Variants in DOCK7 observed in about 807,000 individuals in gnomAD.
DOCK7 encodes dedicator of cytokinesis protein 7.
A neutral mutation model predicts 271.0 loss-of-function variants in DOCK7; 138 were observed. The ratio of observed to expected loss-of-function variants is 0.51; its 90% CI spans 0.44 to 0.59. The LOEUF is 0.59. DOCK7 is among the 20% of genes least tolerant of loss of function. DOCK7 has a pLI of 0.00. For synonymous variants in DOCK7, 823 were observed against 876.1 expected, an observed-to-expected ratio of 0.94 and a Z score of 1.07; for missense variants, 2,066 against 2,592.4, an observed-to-expected ratio of 0.80 and a Z score of 4.41.
At chr1:62,585,176 A>C (rs747834283) in intron 15 of DOCK7, among the ~76,000 whole-genome samples, 2 of 152,164 alleles carry the variant, frequency 1.3e-5, no homozygotes, top group Non-Finnish European at 2.9e-5. Context: ...TATATGCAAT[A>C]ATCTGAAAAA....
Position 62,555,967 on chromosome 1 carries a change from A to C in DOCK7, c.2454T>G (p.Phe818Leu), listed in dbSNP as rs111684839. The stretch of plus-strand genomic sequence containing the variant: ...GATTTATAATTGATGCCATGGCTTC[A>C]AAAGATGCTTGACCTAGGTTAACTT... ...GQIVNLGQAS[F>L]EAMASIINRL... Residue 818 changes from phenylalanine to leucine, a missense_variant, in exon 21 of 50, where the codon TTT (phenylalanine) becomes TTG (leucine). Around this residue, in one of 2 missense-constraint regions of DOCK7, gnomAD observed 1,414 missense variants for 1,670.4 expected, o/e 0.85. Transcript: ENST00000635253. The C allele has an allele frequency of 6.2e-7, 1 of 1,613,788 alleles. No individual in the cohort carries two copies. The highest frequency in any genetic ancestry group is 8.5e-7 in the Non-Finnish European group (1 of 1,179,926).
At chr1:62,597,958 A>C in intron 14 of DOCK7, 2 of 1,555,856 alleles carry the variant, frequency 1.3e-6, no homozygotes, top group Non-Finnish European at 1.7e-6. Flanking sequence ...CTAGAAGAAA[A>C]AATTCTACTT....
At chr1:62,546,314 C>A (rs936743130) in intron 22 of DOCK7, among the ~76,000 whole-genome samples, 2 of 152,050 alleles carry the variant, frequency 1.3e-5, no homozygotes, top group African/African-American at 4.8e-5. Context: ...AAAACCGCAA[C>A]CCTCAAGGGC....
rs1454805523 is a variant in DOCK7, at chr1:62,688,211, C to A, written c.38+16G>T. ...CTCGGGCGGCGGCGGCGGCGCGCCC[C>A]ACGCCGGATATTTACCTGCTGATCT... On this transcript the variant is annotated intron_variant, in intron 1 of 49. Transcript: ENST00000635253. 4 of 1,378,344 alleles carry A rather than the reference C, an allele frequency of 2.9e-6. No individual in the cohort carries two copies. The African/African-American group carries it at 6.0e-5, about 21-fold the overall frequency. 85.4% of individuals were successfully genotyped at this position (1,378,344 alleles called of 1,614,324 possible).
intron 49 of DOCK7, among the ~76,000 whole-genome samples, chr1:62,456,481 G>A (rs1164193303): frequency 6.6e-6 from 1 of 152,150 alleles, no homozygotes; most frequent in African/African-American, 2.4e-5. Context: ...GATCACATTG[G>A]CTTCAAATCT....
At chr1:62,543,853 T>G in intron 23 of DOCK7, 108 bp from the exon 24 acceptor site, 1 of 687,332 alleles carries the variant, frequency 1.5e-6, no homozygotes, top group Non-Finnish European at 2.4e-6. Flanking sequence ...TATTATGGTT[T>G]CAAAAACCAT....
intron 31 of DOCK7, among the ~76,000 whole-genome samples, chr1:62,526,509 G>C (rs1645013982): frequency 6.6e-6 from 1 of 151,844 alleles, no homozygotes. Flanking sequence ...AAAAAAAAGA[G>C]TTTAGAAGTC....
chr1:62,583,316 T>C, intron 15 of DOCK7, 62 bp from the exon 16 acceptor site: 1 of 1,420,160 alleles, frequency 7.0e-7, no homozygotes, highest in South Asian at 1.2e-5. Context: ...TTCATAACTA[T>C]GTAAGAATTT....
At chr1:62,688,035 G>A (rs1413420228) in intron 1 of DOCK7, among the ~76,000 whole-genome samples, 192 bp downstream of exon 1, 1 of 151,468 alleles carries the variant, frequency 6.6e-6, no homozygotes, top group Non-Finnish European at 1.5e-5. Context: ...CTGAAGGCCG[G>A]GGTTCGAGGG....
chr1:62,496,393 T>A lies in DOCK7; in HGVS notation c.4869A>T (p.Ile1623=). Residue 1623 remains isoleucine (I), a synonymous_variant, in exon 38 of 50, where the codon ATA becomes ATT. Transcript: ENST00000635253. The stretch of plus-strand genomic sequence containing the variant: ...CCAGATCTTCTTCAGCATATGTCAA[T>A]ATAGTCTTTAGAGAACGTCTTAAGA... ...EEFLRRSLKT[I]LTYAEEDLEL... The A allele has an allele frequency of 6.2e-7, 1 of 1,613,656 alleles. No homozygotes were observed. Among genetic ancestry groups the A allele is most frequent in the Non-Finnish European group, 8.5e-7 (1 of 1,179,720 alleles).
chr1:62,506,763 C>T (rs1033975278), intron 35 of DOCK7, among the ~76,000 whole-genome samples: 7 of 149,894 alleles, frequency 4.7e-5, no homozygotes, highest in African/African-American at 1.2e-4. Context: ...GCCTAACCAA[C>T]GTGGAGAAAC....
chr1:62,661,711 G>C (rs956303225), intron 2 of DOCK7, among the ~76,000 whole-genome samples: 1 of 152,090 alleles, frequency 6.6e-6, no homozygotes, highest in African/African-American at 2.4e-5. Flanking sequence ...ATTGGAGTCA[G>C]GGTACCAGAA....
At position 62,601,905 on chromosome 1, in the gene DOCK7, A is replaced by G. The variant is rs770842763; in HGVS notation, c.1683-15281T>C. On this transcript the variant is annotated intron_variant, in intron 14 of 49. Coordinates refer to ENST00000635253, the MANE Select transcript of DOCK7 (RefSeq NM_001367561.1). Reference sequence around the variant, plus strand: ...CAGGTAAAACCTGTCTAAGGAGAATAGACAGTAGTTAGTTCAACTTACTCA... The same window carrying G: ...CAGGTAAAACCTGTCTAAGGAGAATGGACAGTAGTTAGTTCAACTTACTCA... 5.4e-6 allele frequency: 8 copies of G among 1,491,652 alleles called. No individual in the cohort carries two copies. In the Admixed American group the frequency reaches 6.7e-5, roughly 13 times the overall value. The allele number at this position is 1,491,652 out of a possible 1,614,324, so 92.4% of individuals were successfully genotyped here.
intron 1 of DOCK7, among the ~76,000 whole-genome samples, chr1:62,682,251 T>C (rs1661252755): frequency 6.6e-6 from 1 of 152,258 alleles, no homozygotes; most frequent in Non-Finnish European, 1.5e-5. Flanking sequence ...ATTCTTGAAC[T>C]GCACAATCCC....
At chr1:62,512,163 T>C (rs920532826) in intron 33 of DOCK7, among the ~76,000 whole-genome samples, 3 of 152,214 alleles carry the variant, frequency 2.0e-5, no homozygotes, top group Non-Finnish European at 4.4e-5. Flanking sequence ...TAGATTATTA[T>C]TATGCTAATG....
intron 31 of DOCK7, among the ~76,000 whole-genome samples, chr1:62,524,671 G>A (rs1338775636): frequency 6.6e-6 from 1 of 151,938 alleles, no homozygotes; most frequent in Non-Finnish European, 1.5e-5. Context: ...GCCGAGGCAG[G>A]TGGATCAACT....
rs566960184 is a variant in DOCK7, at chr1:62,686,726, G to A, written c.38+1501C>T. Among the ~76,000 whole-genome samples the A allele has an allele frequency of 3.3e-4, 50 of 152,196 alleles. 1 individual carries two copies. The highest frequency in any genetic ancestry group is 3.3e-3 in the Admixed American group (50 of 15,298). ...ATTCTCATTTGCCAGACGAGGAAACGGAAATTTGGCCCAACAACTTGGCCA... is the reference window on the plus strand; with the variant it reads ...ATTCTCATTTGCCAGACGAGGAAACAGAAATTTGGCCCAACAACTTGGCCA... On this transcript the variant is annotated intron_variant, in intron 1 of 49. Transcript: ENST00000635253.
chr1:62,549,765 C>T (rs1206344356), intron 22 of DOCK7, among the ~76,000 whole-genome samples: 1 of 152,098 alleles, frequency 6.6e-6, no homozygotes, highest in Non-Finnish European at 1.5e-5. Flanking sequence ...ATCTTATGCA[C>T]TCTTTCTAAT....
At chr1:62,652,215 A>G (rs549440750) in intron 4 of DOCK7, among the ~76,000 whole-genome samples, 388 of 152,310 alleles carry the variant, frequency 2.5e-3, no homozygotes, top group Non-Finnish European at 4.5e-3. Flanking sequence ...CTGAGCTTAA[A>G]GCACTACTGA....
Sources: allele counts gnomAD v4.1 joint callset (sites outside exome capture counted in the v4.1 genomes callset), GRCh38; gene constraint gnomAD v4.1.1; regional missense constraint gnomAD v4.1.1; transcripts MANE v1.5; gene names NCBI Gene and HGNC (gene_info 2026-07-23, HGNC 2026-07-21).